FAF1: variants seen among roughly 807,000 people sequenced by gnomAD.
FAF1 encodes FAS-associated factor 1.
FAF1 carries 25 observed loss-of-function variants against 92.5 expected under a neutral mutation model. That is an observed-to-expected ratio of 0.27 (90% CI 0.20 to 0.38). The LOEUF (loss-of-function observed/expected upper bound fraction) is 0.38, where lower values mean the gene tolerates loss of function less well. Ranked by LOEUF, FAF1 falls within the 10% of genes least tolerant of loss-of-function variation. The pLI, the probability that FAF1 is intolerant of heterozygous loss-of-function variation, is 1.00. For synonymous variants in FAF1, 234 were observed against 273.2 expected (o/e 0.86, Z 1.42); for missense variants, 636 against 793.3 (o/e 0.80, Z 2.38).
chr1:50,630,043 C>T (rs373791397), intron 8 of FAF1, among the ~76,000 whole-genome samples: 5 of 149,926 alleles, frequency 3.3e-5, no homozygotes, highest in African/African-American at 1.0e-4. Context: ...GGCGACAGAG[C>T]GAGCCTCTGT....
At chr1:50,501,863 A>G (rs1316027395) in intron 15 of FAF1, among the ~76,000 whole-genome samples, 1 of 152,196 alleles carries the variant, frequency 6.6e-6, no homozygotes, top group Non-Finnish European at 1.5e-5. Flanking sequence ...TAGTTACCCA[A>G]GACAAATGAC....
chr1:50,887,174 T>G (rs1438742843), intron 1 of FAF1, among the ~76,000 whole-genome samples: 1 of 152,236 alleles, frequency 6.6e-6, no homozygotes, highest in Non-Finnish European at 1.5e-5. Flanking sequence ...TGCATAAATG[T>G]CTTCTTTTGA....
chr1:50,884,510 A>T (rs183628418), intron 1 of FAF1, among the ~76,000 whole-genome samples: 4,537 of 150,314 alleles, frequency 0.03, 246 homozygotes, highest in African/African-American at 0.11. Context: ...CCACAGAGTG[A>T]GACTCTGTCT....
intron 7 of FAF1, among the ~76,000 whole-genome samples, chr1:50,685,423 G>A (rs1445973716): frequency 6.6e-6 from 1 of 152,140 alleles, no homozygotes; most frequent in African/African-American, 2.4e-5. Flanking sequence ...TACTGCTATA[G>A]TATATAGTAT....
intron 1 of FAF1, among the ~76,000 whole-genome samples, chr1:50,929,220 TAG>T (rs753972421): frequency 3.9e-5 from 6 of 152,090 alleles, no homozygotes; most frequent in Non-Finnish European, 5.9e-5. Flanking sequence ...CAATATTTAA[TAG>T]AGTTTTATTA....
chr1:50,546,487 A>T (rs1362674214), intron 13 of FAF1, among the ~76,000 whole-genome samples: 2 of 151,926 alleles, frequency 1.3e-5, no homozygotes, highest in East Asian at 3.9e-4. Flanking sequence ...TGCCTCAGCT[A>T]CCTGAGTAGC....
rs141634088 is a variant in FAF1, at chr1:50,562,923, G to A, written c.1268+4154C>T. 7.1e-3 allele frequency among the ~76,000 whole-genome samples: 1,074 copies of A among 152,276 alleles called. 6 individuals carry two copies. Among genetic ancestry groups the A allele is most frequent in the Non-Finnish European group, 0.011 (735 of 68,032 alleles). On this transcript the variant is annotated intron_variant, in intron 13 of 18. Coordinates refer to ENST00000396153, the MANE Select transcript of FAF1 (RefSeq NM_007051.3). ...TATCAAAAATATTCAGAAAAAAATT[G>A]TGTCTATACTGAACATGTACACTTT...
chr1:50,952,551 G>T (rs534637030), intron 1 of FAF1, among the ~76,000 whole-genome samples: 2 of 151,996 alleles, frequency 1.3e-5, no homozygotes, highest in Non-Finnish European at 2.9e-5. Flanking sequence ...AGTGAGGAGC[G>T]TCTCTGCCTG....
intron 7 of FAF1, among the ~76,000 whole-genome samples, chr1:50,686,835 T>G (rs1241049065): frequency 1.3e-5 from 2 of 152,124 alleles, no homozygotes; most frequent in East Asian, 1.9e-4. Flanking sequence ...TTTTCTTTTT[T>G]GGGGTTTTTT....
At chr1:50,520,748 G>T (rs1440197838) in intron 15 of FAF1, among the ~76,000 whole-genome samples, 1 of 152,170 alleles carries the variant, frequency 6.6e-6, no homozygotes, top group Non-Finnish European at 1.5e-5. Flanking sequence ...CTGGGAGGGA[G>T]GCAGGAGGAT....
chr1:50,907,144 G>T (rs889331880), intron 1 of FAF1, among the ~76,000 whole-genome samples: 1 of 152,134 alleles, frequency 6.6e-6, no homozygotes, highest in Non-Finnish European at 1.5e-5. Flanking sequence ...TAATCATGTG[G>T]TTTTTGTCTT....
intron 18 of FAF1, among the ~76,000 whole-genome samples, chr1:50,472,806 T>C (rs917601161): frequency 2.6e-5 from 4 of 152,208 alleles, no homozygotes; most frequent in Non-Finnish European, 4.4e-5. Context: ...AGATGACTTT[T>C]ACAAATTAGA....
At chr1:50,471,866 A>G (rs1646576995) in intron 18 of FAF1, among the ~76,000 whole-genome samples, 1 of 152,208 alleles carries the variant, frequency 6.6e-6, no homozygotes, top group Non-Finnish European at 1.5e-5. Flanking sequence ...AAGAGTAGGC[A>G]GAAAGAAGAG....
chr1:50,901,449 ACTTTGGG>A (rs1644795350), intron 1 of FAF1, among the ~76,000 whole-genome samples: 1 of 152,180 alleles, frequency 6.6e-6, no homozygotes, highest in Non-Finnish European at 1.5e-5. Context: ...CAAGCCCAGC[ACTTTGGG>A]AGGCCAAGGT....
Position 50,592,655 on chromosome 1 carries a change from T to C in FAF1, c.840+3466A>G, listed in dbSNP as rs147540276. ...AAGTTTAAGAAAGTCAACAGCAAAATGATTATTGTTGGCTGGGCACGGTGA... is the reference window on the plus strand; with the variant it reads ...AAGTTTAAGAAAGTCAACAGCAAAACGATTATTGTTGGCTGGGCACGGTGA... On this transcript the variant is annotated intron_variant, in intron 9 of 18. Coordinates refer to ENST00000396153, the MANE Select transcript of FAF1 (RefSeq NM_007051.3). Among the ~76,000 whole-genome samples, 828 of 152,086 alleles carry C rather than the reference T, an allele frequency of 5.4e-3. 6 individuals carry two copies. The highest frequency in any genetic ancestry group is 0.018 in the African/African-American group (758 of 41,472).
chr1:50,450,002 C>T (rs934930724), intron 18 of FAF1, among the ~76,000 whole-genome samples: 2 of 151,546 alleles, frequency 1.3e-5, no homozygotes, highest in Non-Finnish European at 2.9e-5. Flanking sequence ...CGAGACCAGC[C>T]TGGCCACCAT....
chr1:50,805,006 C>G (rs1662136235), intron 2 of FAF1, among the ~76,000 whole-genome samples: 2 of 152,138 alleles, frequency 1.3e-5, no homozygotes, highest in Non-Finnish European at 2.9e-5. Context: ...ATTATAAGAA[C>G]TATATCACTT....
chr1:50,510,766 C>CT (rs1003181400), intron 15 of FAF1, among the ~76,000 whole-genome samples: 4 of 152,018 alleles, frequency 2.6e-5, no homozygotes, highest in African/African-American at 9.6e-5. Context: ...AAAGGTTTCT[C>CT]TTTTTTTTAA....
chr1:50,524,303 A>C (rs982199420), intron 15 of FAF1, among the ~76,000 whole-genome samples: 1 of 152,208 alleles, frequency 6.6e-6, no homozygotes, highest in Non-Finnish European at 1.5e-5. Context: ...TCAGATGTAC[A>C]GTTTGCAAAA....
Sources: gnomAD v4.1 joint callset for allele counts (sites outside exome capture counted in the v4.1 genomes callset) on GRCh38, gnomAD v4.1.1 for gene constraint, MANE v1.5 for transcripts, NCBI Gene and HGNC (gene_info 2026-07-23, HGNC 2026-07-21) for gene names.